The following BAIAP3 variants were observed in gnomAD, a reference collection of about 807,000 sequenced individuals.
BAIAP3 encodes BAI1-associated protein 3.
BAIAP3 carries 180 observed loss-of-function variants against 149.7 expected under a neutral mutation model. The observed-to-expected ratio is 1.20, with a 90% CI of 1.07 to 1.36. The LOEUF (loss-of-function observed/expected upper bound fraction) is 1.36. Ranked by LOEUF, BAIAP3 falls within the 40% of genes most tolerant of loss-of-function variation. The pLI, the probability that BAIAP3 is intolerant of heterozygous loss-of-function variation, is 0.00. For missense variants in BAIAP3, 1,767 were observed against 1,563.4 expected (o/e 1.13, Z -2.20); for synonymous variants, 845 against 670.7 (o/e 1.26, Z -4.02).
Position 1,345,002 on chromosome 16 carries a change from C to G in BAIAP3, c.1843C>G (p.Leu615Val). The G allele has an allele frequency of 1.9e-6, 3 of 1,612,772 alleles. No individual in the cohort carries two copies. Among genetic ancestry groups the G allele is most frequent in the Non-Finnish European group, 2.5e-6 (3 of 1,180,002 alleles). Residue 615 changes from leucine (L) to valine (V), a missense_variant, in exon 21 of 34, where the codon CTG becomes GTG. Coordinates refer to ENST00000426824, the MANE Select transcript of BAIAP3 (RefSeq NM_001199097.2). The stretch of plus-strand genomic sequence containing the variant: ...GGAGGCGTGGGTGCTGACGGAGGAG[C>G]TGAGCCCCAAGATGACCCTGGAGGT... ...AEEAWVLTEE[L>V]SPKMTLEVAS...
intron 27 of BAIAP3, 33 bp downstream of exon 27, chr16:1,346,717 G>A (rs1403962448): frequency 6.6e-7 from 1 of 1,509,372 alleles, no homozygotes; most frequent in Non-Finnish European, 8.9e-7. Context: ...GGGCTGGGCT[G>A]GCCCGTGGTC....
intron 1 of BAIAP3, chr16:1,336,298 G>C: frequency 8.1e-6 from 8 of 985,456 alleles, no homozygotes; most frequent in Non-Finnish European, 9.6e-6. Flanking sequence ...ACGACTGGCT[G>C]TGGGGGTGAC....
In BAIAP3 at chr16:1,338,527, C is replaced by A. The variant is rs776924060; in HGVS notation, c.-10-13C>A. On this transcript the variant is annotated splice_polypyrimidine_tract_variant and intron_variant, in intron 1 of 33. Coordinates refer to ENST00000426824, the MANE Select transcript of BAIAP3 (RefSeq NM_001199097.2). ...GGACGACCTGAGGCTGCGGGCTGTG[C>A]TCTCTGCTGTAGGTCACCCGCCATG... 2.2e-6 allele frequency: 3 copies of A among 1,380,212 alleles called. No individual in the cohort carries two copies. In the African/African-American group the frequency reaches 4.6e-5, roughly 21 times the overall value. The allele number at this position is 1,380,212 out of a possible 1,614,324, so 85.5% of individuals were successfully genotyped here.
chr16:1,334,457 G>C, intron 1 of BAIAP3: 1 of 581,378 alleles, frequency 1.7e-6, no homozygotes, highest in South Asian at 2.1e-5. Context: ...GCCGCGAGGC[G>C]GGGCAGGGAG....
chr16:1,348,603 G>C lies in BAIAP3; in HGVS notation c.*121G>C. ...CGGCGCCCCTCCTGTGCTGTGACGT[G>C]TGTGTCGTGGCTGGCCCCGCGGCGC... On this transcript the variant is annotated 3_prime_UTR_variant, in exon 34 of 34. Transcript: ENST00000426824. 1 of 998,916 alleles carries C rather than the reference G, an allele frequency of 1.0e-6. No individual in the cohort carries two copies. The highest frequency in any genetic ancestry group is 1.5e-6 in the Non-Finnish European group (1 of 667,588). 61.9% of individuals were successfully genotyped at this position (998,916 alleles called of 1,614,324 possible).
intron 9 of BAIAP3, 39 bp from the exon 10 acceptor site, chr16:1,341,947 G>A (rs748017908): frequency 1.7e-5 from 27 of 1,582,706 alleles, no homozygotes; most frequent in South Asian, 3.5e-5. Context: ...GCCCGGCTGC[G>A]GGCTCCAGAC....
chr16:1,336,248 G>GGGGAA (rs1324294497), intron 1 of BAIAP3: 93 of 985,338 alleles, frequency 9.4e-5, no homozygotes, highest in Non-Finnish European at 1.1e-4. Context: ...CAGCAAGGGA[G>GGGGAA]GGGAAGGGGG....
Position 1,349,247 on chromosome 16 carries a change from C to T in BAIAP3, c.*765C>T. On this transcript the variant is annotated 3_prime_UTR_variant, in exon 34 of 34. Coordinates refer to ENST00000426824, the MANE Select transcript of BAIAP3 (RefSeq NM_001199097.2). ...AACAGACTCACAAGGGGCTTCTTGG[C>T]CTGCAGCTTCATTTGCGAGAGCGCC... 4 of 682,628 alleles carry T rather than the reference C, an allele frequency of 5.9e-6. No homozygotes were observed. In the South Asian group the frequency reaches 7.0e-5, roughly 12 times the overall value. 42.3% of individuals were successfully genotyped at this position (682,628 alleles called of 1,614,324 possible).
rs1165924837 is a variant in BAIAP3, at chr16:1,349,215, T to C, written c.*733T>C. ...CGCCCCAACCCTTCCCCAGGCCCAG[T>C]GTGAAAAACAGACTCACAAGGGGCT... is the stretch of plus-strand genomic sequence containing the variant. On this transcript the variant is annotated 3_prime_UTR_variant, in exon 34 of 34. Coordinates refer to ENST00000426824, the MANE Select transcript of BAIAP3 (RefSeq NM_001199097.2). 4.5e-5 allele frequency: 27 copies of C among 597,238 alleles called. No individual in the cohort carries two copies. The highest frequency in any genetic ancestry group is 3.9e-4 in the Middle Eastern group (1 of 2,590). 37.0% of individuals were successfully genotyped at this position (597,238 alleles called of 1,614,324 possible). A position where few individuals can be genotyped will look rare whatever the true frequency, so the allele number is the denominator to read the frequency against.
At chr16:1,335,165 C>T (rs2033376876) in intron 1 of BAIAP3, among the ~76,000 whole-genome samples, 1 of 152,242 alleles carries the variant, frequency 6.6e-6, no homozygotes, top group Non-Finnish European at 1.5e-5. Context: ...GTCGCCCCCA[C>T]CCTGGGCTGT....
chr16:1,340,222 A>G (rs1567161222), intron 5 of BAIAP3, among the ~76,000 whole-genome samples: 1 of 131,076 alleles, frequency 7.6e-6, no homozygotes, highest in Non-Finnish European at 1.6e-5. Context: ...GCACACAGAC[A>G]CACACACAGG....
chr16:1,336,634 G>A (rs369348369), intron 1 of BAIAP3, among the ~76,000 whole-genome samples: 145 of 152,296 alleles, frequency 9.5e-4, no homozygotes, highest in African/African-American at 3.2e-3. Flanking sequence ...GAGCTGGCTC[G>A]ACAAAGTCCG....
Position 1,341,968 on chromosome 16 carries a change from C to T in BAIAP3, c.777-18C>T, listed in dbSNP as rs911120758. 4 of 1,583,688 alleles carry T rather than the reference C, an allele frequency of 2.5e-6. No individual in the cohort carries two copies. The highest frequency in any genetic ancestry group is 3.4e-6 in the Non-Finnish European group (4 of 1,165,432). On this transcript the variant is annotated intron_variant, in intron 9 of 33. Transcript: ENST00000426824. ...CTGCGGGCTCCAGACAAGCCAGGTC[C>T]TCCCCTGTCCCCACCAGGGATCATG... is the stretch of plus-strand genomic sequence containing the variant.
chr16:1,342,164 C>A lies in BAIAP3; in HGVS notation c.855-17C>A, dbSNP rs1453840079. On this transcript the variant is annotated splice_polypyrimidine_tract_variant and intron_variant, in intron 10 of 33. Coordinates refer to ENST00000426824, the MANE Select transcript of BAIAP3 (RefSeq NM_001199097.2). The stretch of plus-strand genomic sequence containing the variant: ...CCAGGAGCCATCAGCGTGATGCTCA[C>A]CACCTGTGGTGGCCAGGTACTTCAA... The A allele has an allele frequency of 7.5e-6, 12 of 1,589,670 alleles. No individual in the cohort carries two copies. The highest frequency in any genetic ancestry group is 1.7e-5 in the Admixed American group (1 of 58,658).
intron 15 of BAIAP3, among the ~76,000 whole-genome samples, chr16:1,343,783 C>T (rs1352951646): frequency 6.6e-6 from 1 of 152,244 alleles, no homozygotes; most frequent in African/African-American, 2.4e-5. Context: ...GGGAGCGGCC[C>T]TGGCAGGACG....
rs376235086 is a variant in BAIAP3 at position 1,343,669 on chromosome 16, C to T, written c.1386+156C>T. 1.8e-4 allele frequency among the ~76,000 whole-genome samples: 27 copies of T among 152,334 alleles called. No homozygotes were observed. The East Asian group carries it at 1.9e-3, about 11-fold the overall frequency. On this transcript the variant is annotated intron_variant, in intron 15 of 33. Transcript: ENST00000426824. Reference sequence around the variant, plus strand: ...GACGTGGGCGAGAGCCAGCGCTCTGCAGAAAGGAGACGGGAGACTCGTGGG... The same window carrying T: ...GACGTGGGCGAGAGCCAGCGCTCTGTAGAAAGGAGACGGGAGACTCGTGGG...
Position 1,346,158 on chromosome 16 carries a change from C to A in BAIAP3, c.2302-12C>A. The A allele has an allele frequency of 6.2e-7, 1 of 1,609,866 alleles. No individual in the cohort carries two copies. The stretch of plus-strand genomic sequence containing the variant: ...CCCCGGACCCATCGTTGCCTGGCCA[C>A]ACCTCCTCCAGCTCTGCGTGGTCCT... On this transcript the variant is annotated splice_polypyrimidine_tract_variant and intron_variant, in intron 24 of 33. Coordinates refer to ENST00000426824, the MANE Select transcript of BAIAP3 (RefSeq NM_001199097.2).
rs751402757 is a variant in BAIAP3 at position 1,341,284 on chromosome 16, C to T, written c.536-10C>T. On this transcript the variant is annotated splice_polypyrimidine_tract_variant and intron_variant, in intron 7 of 33. Transcript: ENST00000426824. ...CGTGGGGCCAGGGCTGAGACGCCTG[C>T]CGTGCCCAGGCTTCAGCGACCCATA... 2.5e-6 allele frequency: 4 copies of T among 1,606,642 alleles called. No homozygotes were observed. In the South Asian group the frequency reaches 3.3e-5, roughly 13 times the overall value.
chr16:1,338,638 G>C lies in BAIAP3; in HGVS notation c.89G>C (p.Gly30Ala), dbSNP rs2033638630. 12 of 1,598,586 alleles carry C rather than the reference G, an allele frequency of 7.5e-6. No individual in the cohort carries two copies. Among genetic ancestry groups the C allele is most frequent in the Non-Finnish European group, 1.0e-5 (12 of 1,174,056 alleles). The part of the protein sequence containing the change: ...SFRRRTEQDP[G>A]SASADPQEPA... ...CGCCGCAGGACTGAGCAGGACCCAG[G>C]GAGTGCCAGCGCCGACCCGCAGGAG... The change falls in exon 2 of 34, where the codon GGG (glycine) becomes GCG (alanine). Residue 30 changes from glycine to alanine, a missense_variant. By Grantham distance (60) the Gly-to-Ala change is moderately conservative. Coordinates refer to ENST00000426824, the MANE Select transcript of BAIAP3 (RefSeq NM_001199097.2).
Sources: gnomAD v4.1 joint callset for allele counts (sites outside exome capture counted in the v4.1 genomes callset) on GRCh38, gnomAD v4.1.1 for gene constraint, MANE v1.5 for transcripts, NCBI Gene and HGNC (gene_info 2026-07-23, HGNC 2026-07-21) for gene names.